SYT16: variants seen among roughly 807,000 people sequenced by gnomAD.
SYT16 encodes the protein synaptotagmin 16.
Under a neutral mutation model 61.4 loss-of-function variants are expected in SYT16, and 42 were observed. The observed-to-expected ratio is 0.68, with a 90% CI of 0.53 to 0.89. The LOEUF (loss-of-function observed/expected upper bound fraction) is 0.89. Among genes scored for constraint, SYT16 ranks in the 40% least tolerant of loss-of-function variants. The pLI is 0.00. For missense variants in SYT16, 804 were observed against 807.3 expected (o/e 1.00, Z 0.05); for synonymous variants, 314 against 302.3 (o/e 1.04, Z -0.40).
At chr14:61,943,881 A>G (rs564079124) in intron 1 of SYT16, among the ~76,000 whole-genome samples, 1 of 152,344 alleles carries the variant, frequency 6.6e-6, no homozygotes, top group South Asian at 2.1e-4. Flanking sequence ...AGTTCTGGCC[A>G]GGGCAATCAG....
intron 2 of SYT16, among the ~76,000 whole-genome samples, chr14:61,973,810 A>G (rs1381712135): frequency 6.6e-6 from 1 of 152,142 alleles, no homozygotes; most frequent in Admixed American, 6.5e-5. Flanking sequence ...GGGAAGAAGA[A>G]TGCCCTTCCT....
At chr14:62,037,025 G>A (rs1193969581) in intron 3 of SYT16, among the ~76,000 whole-genome samples, 5 of 152,154 alleles carry the variant, frequency 3.3e-5, no homozygotes, top group African/African-American at 4.8e-5. Context: ...CAGTGGCCAC[G>A]TGTTCTGCTG....
At chr14:61,934,086 T>G (rs962920485) in intron 1 of SYT16, among the ~76,000 whole-genome samples, 1 of 152,220 alleles carries the variant, frequency 6.6e-6, no homozygotes, top group Non-Finnish European at 1.5e-5. Context: ...GCATATACTT[T>G]TTCTGTATAA....
chr14:61,897,369 G>A (rs2048360960), intron 1 of SYT16: 1 of 152,174 alleles, frequency 6.6e-6, no homozygotes. Context: ...AGAGCAAAGC[G>A]GCCTCACAGT....
intron 1 of SYT16, among the ~76,000 whole-genome samples, chr14:61,909,188 G>A (rs948705190): frequency 2.6e-5 from 4 of 152,108 alleles, no homozygotes; most frequent in African/African-American, 7.2e-5. Context: ...GATTTTCAAG[G>A]TGCTTTGGAC....
At chr14:62,041,713 G>A (rs939064556) in intron 3 of SYT16, among the ~76,000 whole-genome samples, 1 of 152,034 alleles carries the variant, frequency 6.6e-6, no homozygotes, top group Admixed American at 6.6e-5. Context: ...CACCATATGG[G>A]CCATTATTTT....
intron 3 of SYT16, among the ~76,000 whole-genome samples, chr14:62,043,630 A>G (rs2054836740): frequency 6.6e-6 from 1 of 151,872 alleles, no homozygotes; most frequent in African/African-American, 2.4e-5. Context: ...GATGGTCTTG[A>G]TCTCTTGACT....
At chr14:62,091,467 G>A (rs543246230) in intron 7 of SYT16, among the ~76,000 whole-genome samples, 38 of 152,218 alleles carry the variant, frequency 2.5e-4, no homozygotes, top group African/African-American at 5.8e-4. Flanking sequence ...AAACAGGAGC[G>A]GTAGGAAAAA....
At chr14:61,893,157 CT>C (rs2048200554) in intron 1 of SYT16, among the ~76,000 whole-genome samples, 1 of 152,208 alleles carries the variant, frequency 6.6e-6, no homozygotes, top group African/African-American at 2.4e-5. Context: ...TACTGGGAAA[CT>C]TCGTGTTCTT....
intron 2 of SYT16, among the ~76,000 whole-genome samples, chr14:61,990,242 G>C (rs986296406): frequency 6.6e-6 from 1 of 152,064 alleles, no homozygotes; most frequent in Non-Finnish European, 1.5e-5. Flanking sequence ...TCTCCAAAAG[G>C]CATGATAATT....
intron 1 of SYT16, among the ~76,000 whole-genome samples, chr14:61,941,643 C>T (rs2050215194): frequency 6.6e-6 from 1 of 152,114 alleles, no homozygotes; most frequent in Non-Finnish European, 1.5e-5. Context: ...CATTTTTTCC[C>T]CTTATCTAGT....
intron 6 of SYT16, among the ~76,000 whole-genome samples, chr14:62,082,922 TGA>T (rs2056758983): frequency 1.3e-5 from 2 of 152,360 alleles, no homozygotes; most frequent in Admixed American, 1.3e-4. Context: ...CACCAGGGAC[TGA>T]GAGATTTATA....
intron 1 of SYT16, among the ~76,000 whole-genome samples, chr14:61,931,824 A>G (rs1325523984): frequency 1.3e-5 from 2 of 152,210 alleles, no homozygotes; most frequent in African/African-American, 2.4e-5. Context: ...ATATGTATAC[A>G]TGTGCCACGT....
intron 1 of SYT16, among the ~76,000 whole-genome samples, chr14:61,850,959 T>C (rs1334201470): frequency 1.3e-5 from 2 of 152,182 alleles, no homozygotes; most frequent in African/African-American, 2.4e-5. Flanking sequence ...GTTTGTTATA[T>C]AGATAAATGT....
At chr14:62,004,756 G>T (rs2053156532) in intron 3 of SYT16, among the ~76,000 whole-genome samples, 1 of 152,216 alleles carries the variant, frequency 6.6e-6, no homozygotes, top group African/African-American at 2.4e-5. Context: ...AGAAGACGAG[G>T]TTCCCCTCTT....
In SYT16 at chr14:61,949,348, C is replaced by T. The variant is rs577899886; in HGVS notation, c.-324-20784C>T. Among the ~76,000 whole-genome samples, 11 of 152,358 alleles carry T rather than the reference C, an allele frequency of 7.2e-5. 1 individual carries two copies. In the South Asian group the frequency reaches 2.3e-3, roughly 32 times the overall value. On this transcript the variant is annotated intron_variant, in intron 1 of 7. Coordinates refer to ENST00000683842, the MANE Select transcript of SYT16 (RefSeq NM_001367656.1). ...CTCTTTTTATATCCACTATGTTTCT[C>T]TGCCTTTCAGCCTGTGGCTGTTTTA...
intron 7 of SYT16, 52 bp from the exon 8 acceptor site, chr14:62,100,338 CAGAG>C: frequency 7.0e-7 from 1 of 1,435,856 alleles, no homozygotes; most frequent in Non-Finnish European, 9.3e-7. Flanking sequence ...TCTAGCCAAA[CAGAG>C]AGCACTAATG....
At chr14:62,034,033 G>A (rs967130627) in intron 3 of SYT16, among the ~76,000 whole-genome samples, 3 of 152,088 alleles carry the variant, frequency 2.0e-5, no homozygotes, top group African/African-American at 7.2e-5. Flanking sequence ...ATTAAAATGG[G>A]CAGAGAACTT....
intron 3 of SYT16, among the ~76,000 whole-genome samples, chr14:62,016,094 CA>C (rs2053664040): frequency 6.6e-6 from 1 of 152,146 alleles, no homozygotes; most frequent in African/African-American, 2.4e-5. Context: ...AAACCATTTA[CA>C]GTGTCTCTTG....
Sources: gnomAD v4.1 joint callset for allele counts (sites outside exome capture counted in the v4.1 genomes callset) on GRCh38, gnomAD v4.1.1 for gene constraint, MANE v1.5 for transcripts, NCBI Gene and HGNC (gene_info 2026-07-23, HGNC 2026-07-21) for gene names.